CTSC: variants seen among roughly 807,000 people sequenced by gnomAD.
CTSC encodes cathepsin C, also known as dipeptidyl peptidase 1.
CTSC carries 37 observed loss-of-function variants against 40.9 expected under a neutral mutation model. That is an observed-to-expected ratio of 0.91 (90% CI 0.70 to 1.19). The LOEUF (loss-of-function observed/expected upper bound fraction) is 1.19. Among genes scored for constraint, CTSC ranks in the 50% most tolerant of loss-of-function variants. The pLI is 0.00. For missense variants in CTSC, 594 were observed against 567.3 expected (o/e 1.05, Z -0.48); for synonymous variants, 232 against 207.4 (o/e 1.12, Z -1.02).
chr11:88,301,809 C>T (rs1414649114), intron 4 of CTSC, among the ~76,000 whole-genome samples: 2 of 64,662 alleles, frequency 3.1e-5, no homozygotes, highest in Non-Finnish European at 5.0e-5. Context: ...AACACACGCG[C>T]GCACACACAC....
In CTSC at chr11:88,312,429, A is replaced by G. The variant is rs199611808; in HGVS notation, c.444T>C (p.Asn148=). 1 of 1,614,166 alleles carries G rather than the reference A, an allele frequency of 6.2e-7. No homozygotes were observed. Among genetic ancestry groups the G allele is most frequent in the East Asian group, 2.2e-5 (1 of 44,880 alleles). The change falls in exon 3 of 7, where the codon AAT becomes AAC. Residue 148 remains asparagine, a synonymous_variant. Transcript: ENST00000227266. ...TGKKVGTASE[N]VYVNIAHLKN... ...TAAGGTGTGCTATGTTGACATACACATTCTCAGAGGCAGTTCCCACCTTCT... is the reference window on the plus strand; with the variant it reads ...TAAGGTGTGCTATGTTGACATACACGTTCTCAGAGGCAGTTCCCACCTTCT...
intron 4 of CTSC, among the ~76,000 whole-genome samples, chr11:88,301,652 T>C (rs1944362134): frequency 6.6e-6 from 1 of 152,044 alleles, no homozygotes; most frequent in Non-Finnish European, 1.5e-5. Context: ...AACCACACCT[T>C]ATATGACAGT....
At chr11:88,308,189 C>T (rs958675325) in intron 4 of CTSC, among the ~76,000 whole-genome samples, 1 of 152,194 alleles carries the variant, frequency 6.6e-6, no homozygotes, top group African/African-American at 2.4e-5. Flanking sequence ...GGCTATTGGG[C>T]CAAGCTAACT....
intron 2 of CTSC, chr11:88,325,024 A>G (rs978987514): frequency 2.0e-6 from 2 of 985,276 alleles, no homozygotes; most frequent in Admixed American, 1.2e-4. Context: ...AATGCAAGAG[A>G]GGAAAGTCCA....
At chr11:88,334,349 G>T (rs1022410307) in intron 2 of CTSC, among the ~76,000 whole-genome samples, 3 of 152,198 alleles carry the variant, frequency 2.0e-5, no homozygotes, top group African/African-American at 7.2e-5. Flanking sequence ...ATGAACAATA[G>T]TTCTTTCCTA....
At position 88,294,508 on chromosome 11, in the gene CTSC, C is replaced by G; in HGVS notation, c.890G>C (p.Gly297Ala). The change falls in exon 7 of 7, where the codon GGC becomes GCC. Residue 297 changes from glycine (G) to alanine (A), a missense_variant and splice_region_variant. Transcript: ENST00000227266. ...EVVSCSQYAQ[G>A]CEGGFPYLIA... is the part of the protein sequence containing the mutation. ...AAGGTATGGGAAGCCGCCTTCACAG[C>G]CTGAAGATGAATAACACACATGGTT... is the stretch of plus-strand genomic sequence containing the variant. 1.2e-6 allele frequency: 2 copies of G among 1,614,086 alleles called. No individual in the cohort carries two copies. The highest frequency in any genetic ancestry group is 1.7e-6 in the Non-Finnish European group (2 of 1,180,006).
At chr11:88,319,431 CACTTTCATACTTTTAACAAAAATGTGTCA>C (rs1937948471) in intron 2 of CTSC, among the ~76,000 whole-genome samples, 1 of 152,062 alleles carries the variant, frequency 6.6e-6, no homozygotes, top group Admixed American at 6.5e-5. Context: ...AAAGCTGTGA[CACTTTCATACTTTTAACAAAAATGTGTCA>C]AAATCTACTG....
Position 88,328,181 on chromosome 11 carries a change from T to C in CTSC, c.318+6756A>G, listed in dbSNP as rs112598921. 32 of 1,612,540 alleles carry C rather than the reference T, an allele frequency of 2.0e-5. No homozygotes were observed. The African/African-American group carries it at 2.4e-4, about 12-fold the overall frequency. ...CCCAGCTGCATGAACAAATGACTGATAAAATCAGTGACATCCTACAAAGAG... is the reference window on the plus strand; with the variant it reads ...CCCAGCTGCATGAACAAATGACTGACAAAATCAGTGACATCCTACAAAGAG... On this transcript the variant is annotated intron_variant, in intron 2 of 6. Coordinates refer to ENST00000227266, the MANE Select transcript of CTSC (RefSeq NM_001814.6).
chr11:88,309,046 A>G (rs1937693245), intron 4 of CTSC, 117 bp downstream of exon 4: 2 of 847,612 alleles, frequency 2.4e-6, no homozygotes, highest in Admixed American at 2.0e-5. Flanking sequence ...GATCACATAA[A>G]AAGTTACAAC....
chr11:88,317,175 C>G (rs1334008091), intron 2 of CTSC, among the ~76,000 whole-genome samples: 1 of 152,170 alleles, frequency 6.6e-6, no homozygotes, highest in Admixed American at 6.6e-5. Flanking sequence ...CCATGTTGGC[C>G]AGGCTGGTCT....
Position 88,296,230 on chromosome 11 carries a change from C to T in CTSC, c.792G>A (p.Met264Ile), listed in dbSNP as rs1422519731. 1 of 1,613,866 alleles carries T rather than the reference C, an allele frequency of 6.2e-7. No homozygotes were observed. Among genetic ancestry groups the T allele is most frequent in the Admixed American group, 1.7e-5 (1 of 59,990 alleles). ...SCGSCYSFAS[M>I]GMLEARIRIL... is the part of the protein sequence containing the mutation. ...TACGGATTCTCGCTTCTAGCATACC[C>T]ATAGAAGCAAATGAGTAGCAGCTGC... The change falls in exon 6 of 7, where the codon ATG becomes ATA. Residue 264 changes from methionine (M) to isoleucine (I), a missense_variant. By Grantham distance (10) the Met-to-Ile change is conservative. Coordinates refer to ENST00000227266, the MANE Select transcript of CTSC (RefSeq NM_001814.6).
At chr11:88,324,643 A>G in intron 2 of CTSC, 1 of 984,618 alleles carries the variant, frequency 1.0e-6, no homozygotes, top group Non-Finnish European at 1.2e-6. Flanking sequence ...CAGATTTTCA[A>G]TCTGGAAAGA....
chr11:88,309,436 A>G, intron 3 of CTSC, 118 bp from the exon 4 acceptor site: 1 of 874,290 alleles, frequency 1.1e-6, no homozygotes, highest in South Asian at 1.3e-5. Flanking sequence ...TCAGGAAGGT[A>G]ATTGGCAATA....
chr11:88,330,939 C>T (rs918947802), intron 2 of CTSC, among the ~76,000 whole-genome samples: 4 of 152,034 alleles, frequency 2.6e-5, no homozygotes, highest in Admixed American at 2.6e-4. Context: ...TGATTGATTC[C>T]GAAGTGGAAT....
intron 4 of CTSC, among the ~76,000 whole-genome samples, chr11:88,304,769 C>T (rs1484214596): frequency 6.6e-6 from 1 of 152,194 alleles, no homozygotes; most frequent in Non-Finnish European, 1.5e-5. Flanking sequence ...GTCTTCCTCA[C>T]TGCTACACTC....
intron 1 of CTSC, among the ~76,000 whole-genome samples, chr11:88,336,400 G>A (rs1591248438): frequency 6.6e-6 from 1 of 151,752 alleles, no homozygotes; most frequent in Non-Finnish European, 1.5e-5. Flanking sequence ...TTAGCCGGGC[G>A]TGGTGGCATG....
At chr11:88,324,609 G>T in intron 2 of CTSC, 2 of 984,672 alleles carry the variant, frequency 2.0e-6, no homozygotes, top group Non-Finnish European at 2.4e-6. Context: ...TGCATTAGGT[G>T]TTGAAGATAT....
At chr11:88,324,453 A>G (rs897767383) in intron 2 of CTSC, 35 of 977,870 alleles carry the variant, frequency 3.6e-5, no homozygotes, top group Non-Finnish European at 4.1e-5. Flanking sequence ...GCAGGGAATC[A>G]AAAAAGATGT....
chr11:88,320,116 G>A (rs1233012151), intron 2 of CTSC, among the ~76,000 whole-genome samples: 5 of 152,064 alleles, frequency 3.3e-5, no homozygotes, highest in Non-Finnish European at 7.4e-5. Context: ...CCTATTAACT[G>A]GACTGAACCA....
Sources: allele counts gnomAD v4.1 joint callset (sites outside exome capture counted in the v4.1 genomes callset), GRCh38; gene constraint gnomAD v4.1.1; transcripts MANE v1.5; gene names NCBI Gene and HGNC (gene_info 2026-07-23, HGNC 2026-07-21).